Variants in FBXL17 observed in about 807,000 individuals in gnomAD.
FBXL17 encodes F-box/LRR-repeat protein 17.
A neutral mutation model predicts 66.2 loss-of-function variants in FBXL17; 22 were observed. The ratio of observed to expected loss-of-function variants is 0.33; its 90% CI spans 0.24 to 0.47. The LOEUF (loss-of-function observed/expected upper bound fraction) is 0.47. Among genes scored for constraint, FBXL17 ranks in the 20% least tolerant of loss-of-function variants. The pLI, the probability that FBXL17 is intolerant of heterozygous loss-of-function variation, is 1.00. For missense variants in FBXL17, 878 were observed against 948.2 expected (o/e 0.93, Z 0.97); for synonymous variants, 474 against 400.5 (o/e 1.18, Z -2.19).
rs540692482 is a variant in FBXL17, at chr5:108,223,619, C to A, written c.1614+502G>T. On this transcript the variant is annotated intron_variant, in intron 5 of 8. Transcript: ENST00000542267. ...CAGTGAGAGATTACTAAAGAACTGG[C>A]AGTTTGATCATTTCTAAAAATATGA... Among the ~76,000 whole-genome samples, 5 of 152,220 alleles carry A rather than the reference C, an allele frequency of 3.3e-5. No homozygotes were observed. In the East Asian group the frequency reaches 5.8e-4, roughly 18 times the overall value.
chr5:108,275,868 C>T (rs1315601927), intron 4 of FBXL17, among the ~76,000 whole-genome samples: 1 of 152,164 alleles, frequency 6.6e-6, no homozygotes, highest in African/African-American at 2.4e-5. Context: ...CTCTAATCTC[C>T]TAATTCCAAC....
At chr5:108,286,141 T>C (rs891463513) in intron 4 of FBXL17, among the ~76,000 whole-genome samples, 3 of 151,886 alleles carry the variant, frequency 2.0e-5, no homozygotes, top group Admixed American at 1.3e-4. Flanking sequence ...GAAACATACT[T>C]CAAAATAATA....
At chr5:108,285,644 A>G (rs1561507223) in intron 4 of FBXL17, among the ~76,000 whole-genome samples, 1 of 151,814 alleles carries the variant, frequency 6.6e-6, no homozygotes, top group African/African-American at 2.4e-5. Context: ...CGGGCTTACA[A>G]TATTCAGCAA....
intron 6 of FBXL17, among the ~76,000 whole-genome samples, chr5:108,058,323 T>C (rs1467949389): frequency 1.3e-5 from 2 of 152,318 alleles, no homozygotes; most frequent in South Asian, 2.1e-4. Flanking sequence ...AAGAGGAACA[T>C]CTTACATTTA....
intron 6 of FBXL17, among the ~76,000 whole-genome samples, chr5:108,072,432 G>A (rs747784455): frequency 2.0e-5 from 3 of 152,210 alleles, no homozygotes; most frequent in African/African-American, 7.2e-5. Context: ...ACAGAAAGAA[G>A]CAGGCTCACG....
At chr5:108,305,233 G>T (rs1246022797) in intron 4 of FBXL17, among the ~76,000 whole-genome samples, 1 of 152,040 alleles carries the variant, frequency 6.6e-6, no homozygotes, top group Non-Finnish European at 1.5e-5. Context: ...GCTACCACAT[G>T]TTCTCACATA....
chr5:108,278,756 G>C (rs1265701656), intron 4 of FBXL17, among the ~76,000 whole-genome samples: 2 of 152,194 alleles, frequency 1.3e-5, no homozygotes, highest in Non-Finnish European at 2.9e-5. Context: ...CAATGCTGCA[G>C]TAGCCACCAC....
chr5:108,027,768 A>G (rs577394979), intron 6 of FBXL17, among the ~76,000 whole-genome samples: 5 of 152,240 alleles, frequency 3.3e-5, no homozygotes, highest in African/African-American at 1.2e-4. Flanking sequence ...TGTAAATAAA[A>G]TATTTCAGGA....
At chr5:108,360,360 T>C (rs1748266064) in intron 3 of FBXL17, among the ~76,000 whole-genome samples, 1 of 152,116 alleles carries the variant, frequency 6.6e-6, no homozygotes, top group Admixed American at 6.6e-5. Context: ...TTTTGACAAA[T>C]ACAGAATTCT....
chr5:107,873,978 A>G (rs1377842200), intron 8 of FBXL17, among the ~76,000 whole-genome samples: 15 of 152,154 alleles, frequency 9.9e-5, no homozygotes, highest in Admixed American at 9.8e-4. Flanking sequence ...AGCTACTTGC[A>G]GCACGTTCCC....
chr5:108,101,916 G>A (rs1359974895), intron 6 of FBXL17, among the ~76,000 whole-genome samples: 1 of 152,172 alleles, frequency 6.6e-6, no homozygotes, highest in East Asian at 1.9e-4. Context: ...AGACATCACA[G>A]AAGCAAAAAA....
At chr5:107,938,554 G>A (rs1750986078) in intron 7 of FBXL17, among the ~76,000 whole-genome samples, 1 of 152,078 alleles carries the variant, frequency 6.6e-6, no homozygotes, top group African/African-American at 2.4e-5. Flanking sequence ...ATGTAAATAG[G>A]TGCCTAAATG....
chr5:107,948,111 A>T (rs758734297), intron 7 of FBXL17, among the ~76,000 whole-genome samples: 76 of 152,246 alleles, frequency 5.0e-4, no homozygotes, highest in Non-Finnish European at 4.4e-5. Flanking sequence ...TAAAAAAAAA[A>T]TAGGCTCCAC....
At chr5:108,007,138 T>C (rs1753957965) in intron 7 of FBXL17, among the ~76,000 whole-genome samples, 1 of 152,236 alleles carries the variant, frequency 6.6e-6, no homozygotes, top group Non-Finnish European at 1.5e-5. Flanking sequence ...TATAGGTCAC[T>C]GAATTTTCAT....
At chr5:108,211,039 C>T (rs1258543828) in intron 5 of FBXL17, among the ~76,000 whole-genome samples, 1 of 152,010 alleles carries the variant, frequency 6.6e-6, no homozygotes, top group African/African-American at 2.4e-5. Context: ...TCTTCTTGTT[C>T]CATTGGTCCC....
At chr5:108,000,359 G>A (rs1368133367) in intron 7 of FBXL17, among the ~76,000 whole-genome samples, 1 of 152,158 alleles carries the variant, frequency 6.6e-6, no homozygotes, top group Non-Finnish European at 1.5e-5. Flanking sequence ...AGTATGCAGG[G>A]AGAAGATGAA....
intron 5 of FBXL17, among the ~76,000 whole-genome samples, chr5:108,202,502 G>T (rs1753938285): frequency 6.6e-6 from 1 of 152,122 alleles, no homozygotes; most frequent in South Asian, 2.1e-4. Flanking sequence ...TAATAAGGTA[G>T]AAGAGTATAT....
At chr5:107,917,097 T>C (rs1452046441) in intron 7 of FBXL17, among the ~76,000 whole-genome samples, 1 of 152,206 alleles carries the variant, frequency 6.6e-6, no homozygotes, top group East Asian at 1.9e-4. Context: ...TTTTACCCTG[T>C]TAACTTGCAA....
intron 7 of FBXL17, among the ~76,000 whole-genome samples, chr5:107,995,262 T>C (rs1226085287): frequency 6.6e-6 from 1 of 152,254 alleles, no homozygotes; most frequent in Non-Finnish European, 1.5e-5. Context: ...TATAAATACA[T>C]ATAAAATACA....
Sources: gnomAD v4.1 joint callset for allele counts (sites outside exome capture counted in the v4.1 genomes callset) on GRCh38, gnomAD v4.1.1 for gene constraint, MANE v1.5 for transcripts, NCBI Gene and HGNC (gene_info 2026-07-23, HGNC 2026-07-21) for gene names.